Variants in NOL4L observed in about 807,000 individuals in gnomAD.
The protein encoded by NOL4L is nucleolar protein 4 like.
A neutral mutation model predicts 64.5 loss-of-function variants in NOL4L; 7 were observed. The observed-to-expected ratio is 0.11, with a 90% CI of 0.06 to 0.20. The LOEUF is 0.20. Among genes scored for constraint, NOL4L ranks in the 10% least tolerant of loss-of-function variants. The pLI, the probability that NOL4L is intolerant of heterozygous loss-of-function variation, is 1.00. For synonymous variants in NOL4L, 413 were observed against 401.0 expected, an observed-to-expected ratio of 1.03 and a Z score of -0.36; for missense variants, 680 against 967.1, an observed-to-expected ratio of 0.70 and a Z score of 3.94.
intron 1 of NOL4L, among the ~76,000 whole-genome samples, chr20:32,544,510 T>C (rs2018706020): frequency 1.3e-5 from 2 of 151,980 alleles, no homozygotes; most frequent in Admixed American, 1.3e-4. Context: ...AGGATTTTTC[T>C]CCAGGCAGGA....
At chr20:32,542,197 T>C (rs1193790540) in intron 1 of NOL4L, among the ~76,000 whole-genome samples, 1 of 152,212 alleles carries the variant, frequency 6.6e-6, no homozygotes, top group Non-Finnish European at 1.5e-5. Context: ...TCGGGCTAGC[T>C]GCTAGTCCAG....
At position 32,453,969 on chromosome 20, in the gene NOL4L, C is replaced by T; in HGVS notation, c.1120-208G>A. The T allele has an allele frequency of 1.7e-6, 1 of 590,698 alleles. No individual in the cohort carries two copies. Among genetic ancestry groups the T allele is most frequent in the Non-Finnish European group, 3.0e-6 (1 of 331,534 alleles). 36.6% of individuals were successfully genotyped at this position (590,698 alleles called of 1,614,324 possible). ...GACAGCAATGCTACCACCTCCCTCC[C>T]TGGGCTGCCGCAGGGAGGACCGACT... On this transcript the variant is annotated intron_variant, in intron 6 of 10. Coordinates refer to ENST00000621426, the MANE Select transcript of NOL4L (RefSeq NM_001256798.2). The surrounding 1 kb of genome is among the most constrained non-coding windows in gnomAD (Gnocchi z 5.6).
intron 1 of NOL4L, among the ~76,000 whole-genome samples, chr20:32,563,292 G>C (rs1375625546): frequency 7.3e-6 from 1 of 136,938 alleles, no homozygotes; most frequent in African/African-American, 2.8e-5. Context: ...AGGGAGAGTG[G>C]GGAGGGAGGG....
chr20:32,509,883 A>C (rs2017316464), intron 4 of NOL4L: 1 of 1,304,244 alleles, frequency 7.7e-7, no homozygotes. Context: ...TCATGGGCAC[A>C]GATGAGCACG....
intron 1 of NOL4L, among the ~76,000 whole-genome samples, chr20:32,560,773 C>A (rs569133771): frequency 8.5e-5 from 13 of 152,360 alleles, no homozygotes; most frequent in African/African-American, 3.1e-4. Context: ...CTATCCTGGA[C>A]GGCTGGATGG....
At chr20:32,515,462 G>A (rs906282289) in intron 3 of NOL4L, among the ~76,000 whole-genome samples, 6 of 152,156 alleles carry the variant, frequency 3.9e-5, no homozygotes, top group African/African-American at 1.2e-4. Flanking sequence ...CCAGGGTGAG[G>A]AGAAAAGCAG....
chr20:32,490,128 C>CAAAAAA (rs747449024), intron 4 of NOL4L, among the ~76,000 whole-genome samples: 16 of 69,090 alleles, frequency 2.3e-4, no homozygotes, highest in East Asian at 2.7e-3. Flanking sequence ...GACTCCATCT[C>CAAAAAA]AAAAAAAAAA....
At chr20:32,505,523 C>T (rs2017104046) in intron 4 of NOL4L, among the ~76,000 whole-genome samples, 2 of 152,074 alleles carry the variant, frequency 1.3e-5, no homozygotes, top group Non-Finnish European at 2.9e-5. Context: ...TCCAGACCAG[C>T]CCAGACAACA....
At chr20:32,549,730 C>T (rs571178755) in intron 1 of NOL4L, among the ~76,000 whole-genome samples, 9 of 152,056 alleles carry the variant, frequency 5.9e-5, no homozygotes, top group South Asian at 2.1e-4. Flanking sequence ...TCTAGCCTGG[C>T]GACAGAGCAA....
intron 1 of NOL4L, among the ~76,000 whole-genome samples, chr20:32,539,816 C>T (rs2018621702): frequency 6.6e-6 from 1 of 152,158 alleles, no homozygotes; most frequent in African/African-American, 2.4e-5. Context: ...AGACCGCCCA[C>T]CCATCATTCC....
intron 5 of NOL4L, among the ~76,000 whole-genome samples, chr20:32,457,956 CA>C (rs2013711295): frequency 6.6e-6 from 1 of 152,230 alleles, no homozygotes; most frequent in Non-Finnish European, 1.5e-5. Flanking sequence ...GTAATGACTG[CA>C]ACCAAGGTGC....
chr20:32,479,114 C>T (rs1457871229), intron 4 of NOL4L, among the ~76,000 whole-genome samples: 1 of 152,254 alleles, frequency 6.6e-6, no homozygotes. Flanking sequence ...CAGACTGTAG[C>T]TCCAGTCCCT....
At chr20:32,539,555 C>T (rs957527685) in intron 1 of NOL4L, among the ~76,000 whole-genome samples, 4 of 152,238 alleles carry the variant, frequency 2.6e-5, no homozygotes, top group Non-Finnish European at 5.9e-5. Context: ...TGCAGCCTCA[C>T]TGCTGTCTGC....
chr20:32,487,268 C>A (rs1381242123), intron 4 of NOL4L, among the ~76,000 whole-genome samples: 1 of 150,220 alleles, frequency 6.7e-6, no homozygotes, highest in African/African-American at 2.5e-5. Flanking sequence ...AACTCCATCT[C>A]AAAAAAAATT....
At chr20:32,456,599 A>G (rs189417641) in intron 5 of NOL4L, among the ~76,000 whole-genome samples, 1,935 of 152,270 alleles carry the variant, frequency 0.013, 50 homozygotes, top group African/African-American at 0.045. Context: ...CAGAGGGGCC[A>G]TCAGGAGGGG....
At chr20:32,527,737 G>A (rs2018187741) in intron 2 of NOL4L, 21 bp downstream of exon 2, 1 of 1,538,690 alleles carries the variant, frequency 6.5e-7, no homozygotes, top group Non-Finnish European at 8.8e-7. Context: ...GCCAGTGGAG[G>A]CAAAGAGACA....
At chr20:32,475,478 G>T in intron 4 of NOL4L, 1 of 293,490 alleles carries the variant, frequency 3.4e-6, no homozygotes, top group Non-Finnish European at 5.1e-6. Context: ...AGAGGACCAC[G>T]CCTGCCTCCT....
chr20:32,495,262 A>T (rs2016640311), intron 4 of NOL4L, among the ~76,000 whole-genome samples: 4 of 152,276 alleles, frequency 2.6e-5, no homozygotes. Context: ...ATTTAGAGCC[A>T]TTCTAAATGC....
intron 1 of NOL4L, among the ~76,000 whole-genome samples, chr20:32,568,794 A>T (rs1327296107): frequency 2.6e-5 from 4 of 152,020 alleles, no homozygotes; most frequent in African/African-American, 9.7e-5. Flanking sequence ...CAGGCTCCTG[A>T]GTCTCTCCGT....
Sources: gnomAD v4.1 joint callset for allele counts (sites outside exome capture counted in the v4.1 genomes callset) on GRCh38, gnomAD v4.1.1 for gene constraint, Gnocchi (gnomAD v3.1) non-coding constraint, MANE v1.5 for transcripts, NCBI Gene and HGNC (gene_info 2026-07-23, HGNC 2026-07-21) for gene names.